The following PHF24 variants were observed in gnomAD, a reference collection of about 807,000 sequenced individuals.
PHF24 encodes the protein Galpha inhibitory interacting protein.
In PHF24, 25 loss-of-function variants were observed where a neutral mutation model predicts 42.6. That is an observed-to-expected ratio of 0.59 (90% CI 0.43 to 0.82). PHF24 has a LOEUF of 0.82. Ranked by LOEUF, PHF24 falls within the 40% of genes least tolerant of loss-of-function variation. PHF24 has a pLI of 0.00. For missense variants in PHF24, 470 were observed against 538.1 expected (o/e 0.87, Z 1.25); for synonymous variants, 185 against 204.8 (o/e 0.90, Z 0.83).
chr9:34,875,610 T>TAGTC, the PHF24 span, among the ~76,000 whole-genome samples: 29 of 152,252 alleles, frequency 1.9e-4, no homozygotes, highest in African/African-American at 4.8e-5. Context: ...AGTCACTACA[T>TAGTC]AGTCACAGTG....
At chr9:34,700,324 G>T in the PHF24 span, among the ~76,000 whole-genome samples, 1 of 151,926 alleles carries the variant, frequency 6.6e-6, no homozygotes, top group Admixed American at 6.5e-5. Context: ...GAAGCAGGGA[G>T]ACCAGGGTGG....
At chr9:34,876,369 C>T in the PHF24 span, among the ~76,000 whole-genome samples, 1 of 152,086 alleles carries the variant, frequency 6.6e-6, no homozygotes, top group African/African-American at 2.4e-5. Context: ...ACCTTAAGTA[C>T]ATATTACTAA....
chr9:34,905,760 A>G, the PHF24 span, among the ~76,000 whole-genome samples: 1 of 152,242 alleles, frequency 6.6e-6, no homozygotes, highest in Non-Finnish European at 1.5e-5. Flanking sequence ...ACATGCAGAA[A>G]TAACAGAAGG....
the PHF24 span, among the ~76,000 whole-genome samples, chr9:34,740,314 G>A: frequency 4.6e-5 from 7 of 152,232 alleles, no homozygotes; most frequent in South Asian, 2.1e-4. Flanking sequence ...GGCTTGGGCC[G>A]CCCAGGAGCC....
At chr9:34,665,982 A>AG in the PHF24 span, 21 of 422,178 alleles carry the variant, frequency 5.0e-5, no homozygotes, top group Middle Eastern at 6.7e-4. Context: ...GGTCACCTGG[A>AG]GGGGGGGCTG....
At chr9:34,797,970 G>T in the PHF24 span, among the ~76,000 whole-genome samples, 1 of 152,046 alleles carries the variant, frequency 6.6e-6, no homozygotes, top group Non-Finnish European at 1.5e-5. Context: ...ATCATTCCAT[G>T]TATGTGACAT....
At chr9:34,937,060 T>A in the PHF24 span, among the ~76,000 whole-genome samples, 1 of 146,064 alleles carries the variant, frequency 6.8e-6, no homozygotes, top group African/African-American at 2.6e-5. Context: ...AGCCGCCCCG[T>A]CCGGGAGGTG....
chr9:34,978,329 C>T (rs945148621), exon 8 of PHF24: 3 of 570,928 alleles, frequency 5.3e-6, no homozygotes, highest in Non-Finnish European at 9.5e-6. Context: ...GCTGTGGCAG[C>T]ATCCTCTCCT....
At chr9:34,951,558 G>A in the PHF24 span, among the ~76,000 whole-genome samples, 14 of 152,272 alleles carry the variant, frequency 9.2e-5, no homozygotes, top group South Asian at 2.9e-3. Context: ...TAATACAGGT[G>A]GCCTCTAGAA....
the PHF24 span, among the ~76,000 whole-genome samples, chr9:34,863,119 C>T: frequency 1.3e-5 from 2 of 151,980 alleles, no homozygotes; most frequent in Non-Finnish European, 2.9e-5. Flanking sequence ...GAATAGAGCA[C>T]CAGGTAGATT....
At chr9:34,746,122 C>T in the PHF24 span, among the ~76,000 whole-genome samples, 1 of 152,156 alleles carries the variant, frequency 6.6e-6, no homozygotes, top group African/African-American at 2.4e-5. Flanking sequence ...GGGAACAAAA[C>T]TTGGAATTTG....
At chr9:34,958,226 G>GCCGCCGCCGCCGCCGC (rs1316680269), upstream of PHF24, 2 of 150,366 alleles carry the variant, frequency 1.3e-5, no homozygotes, top group African/African-American at 5.1e-5. This position sits in a 1 kb window ranked among gnomAD's most constrained non-coding sequence, Gnocchi z 4.5. Flanking sequence ...CCGGCCGCGC[G>GCCGCCGCCGCCGCCGC]CGCCGCCGCC....
At chr9:34,732,266 T>C in the PHF24 span, among the ~76,000 whole-genome samples, 2 of 152,312 alleles carry the variant, frequency 1.3e-5, no homozygotes, top group African/African-American at 4.8e-5. Flanking sequence ...CCAGCATTCA[T>C]TGTTACCTGT....
At chr9:34,875,950 ACTCTCTCT>A in the PHF24 span, among the ~76,000 whole-genome samples, 3,326 of 78,630 alleles carry the variant, frequency 0.042, 67 homozygotes, top group African/African-American at 0.048. Flanking sequence ...ACACACACAC[ACTCTCTCT>A]CTCTCTCTCT....
chr9:34,760,656 GC>G, the PHF24 span, among the ~76,000 whole-genome samples: 3 of 152,152 alleles, frequency 2.0e-5, no homozygotes, highest in Non-Finnish European at 4.4e-5. Flanking sequence ...AGGGCAGCAC[GC>G]CCCCACCCAA....
chr9:34,928,079 G>C, the PHF24 span, among the ~76,000 whole-genome samples: 1 of 152,112 alleles, frequency 6.6e-6, no homozygotes, highest in African/African-American at 2.4e-5. Flanking sequence ...AGCCAGGCAT[G>C]GTGGAGAGTG....
the PHF24 span, among the ~76,000 whole-genome samples, chr9:34,829,244 A>G: frequency 6.6e-6 from 1 of 152,200 alleles, no homozygotes; most frequent in Non-Finnish European, 1.5e-5. Flanking sequence ...AACTGATGTG[A>G]GAAATACCAT....
the PHF24 span, among the ~76,000 whole-genome samples, chr9:34,903,083 T>C: frequency 1.3e-5 from 2 of 152,142 alleles, no homozygotes; most frequent in Non-Finnish European, 2.9e-5. Flanking sequence ...TCCCACGTTA[T>C]ACAAGAGGAA....
the PHF24 span, among the ~76,000 whole-genome samples, chr9:34,679,002 C>T: frequency 6.6e-6 from 1 of 152,202 alleles, no homozygotes; most frequent in Non-Finnish European, 1.5e-5. Context: ...TTTGAACCCC[C>T]TTCCTGCATA....
Sources: gnomAD v4.1 joint callset for allele counts (sites outside exome capture counted in the v4.1 genomes callset) on GRCh38, gnomAD v4.1.1 for gene constraint, Gnocchi (gnomAD v3.1) non-coding constraint, MANE v1.5 for transcripts, NCBI Gene and HGNC (gene_info 2026-07-23, HGNC 2026-07-21) for gene names.